FGF13: variants seen among roughly 807,000 people sequenced by gnomAD.
The protein encoded by FGF13 is fibroblast growth factor 13, also known as fibroblast growth factor homologous factor 2.
In FGF13, 2 loss-of-function variants were observed where a neutral mutation model predicts 19.5. That is an observed-to-expected ratio of 0.10 (90% CI 0.04 to 0.32). The LOEUF is 0.32. FGF13 is among the 10% of genes least tolerant of loss of function. FGF13 has a pLI of 1.00. For synonymous variants in FGF13, 72 were observed against 76.9 expected, an observed-to-expected ratio of 0.94 and a Z score of 0.33; for missense variants, 113 against 192.7, an observed-to-expected ratio of 0.59 and a Z score of 2.45.
chrX:139,150,421 A>C (rs1455942126), intron 1 of FGF13, among the ~76,000 whole-genome samples: 1 of 112,537 alleles, frequency 8.9e-6, no homozygotes, highest in Non-Finnish European at 1.9e-5. Flanking sequence ...TTTGCTATCT[A>C]AATGGCAAAT....
rs2089067026 is a variant in FGF13, at chrX:138,626,747, C to G, written c.*6103G>C. The G allele has an allele frequency of 9.0e-6, 1 of 111,705 alleles. No homozygotes were observed. The highest frequency in any genetic ancestry group is 2.8e-4 in the East Asian group (1 of 3,550). The allele number at this position is 111,705 out of a possible 1,213,427, so 9.2% of individuals were successfully genotyped here. On this transcript the variant is annotated 3_prime_UTR_variant, in exon 5 of 5. Transcript: ENST00000315930. ...AGACACAGACACACACACACGCACA[C>G]AGAAACAATAGGGTAGTGTTTGTTC... is the stretch of plus-strand genomic sequence containing the variant.
At chrX:138,731,670 A>C (rs1424627022) in intron 1 of FGF13, among the ~76,000 whole-genome samples, 1 of 110,848 alleles carries the variant, frequency 9.0e-6, no homozygotes, top group Non-Finnish European at 1.9e-5. Flanking sequence ...AGGAAGAAAG[A>C]AGTAATAAAA....
intron 1 of FGF13, among the ~76,000 whole-genome samples, chrX:139,047,516 T>C (rs1353673868): frequency 8.9e-6 from 1 of 111,864 alleles, no homozygotes; most frequent in East Asian, 2.8e-4. Flanking sequence ...GTATACTCTC[T>C]TAGCACATTA....
intron 3 of FGF13, among the ~76,000 whole-genome samples, chrX:138,788,060 C>A (rs1389801852): frequency 8.9e-6 from 1 of 111,826 alleles, no homozygotes; most frequent in Non-Finnish European, 1.9e-5. Flanking sequence ...AAAGTCTCAT[C>A]TAAATGTCAT....
At chrX:139,105,012 GTTT>G (rs199795206) in intron 1 of FGF13, among the ~76,000 whole-genome samples, 1 of 106,745 alleles carries the variant, frequency 9.4e-6, no homozygotes, top group Non-Finnish European at 1.9e-5. Flanking sequence ...TTTCTTTCAA[GTTT>G]TTTTTTTCAT....
At chrX:138,727,751 T>C (rs774250413) in intron 1 of FGF13, among the ~76,000 whole-genome samples, 2 of 111,615 alleles carry the variant, frequency 1.8e-5, no homozygotes, top group South Asian at 7.5e-4. Context: ...TGTTTGAATA[T>C]ATAGCCCATA....
upstream of FGF13, among the ~76,000 whole-genome samples, chrX:138,715,564 T>C (rs1486680993): frequency 8.9e-6 from 1 of 112,419 alleles, no homozygotes; most frequent in African/African-American, 3.2e-5. Flanking sequence ...AAGATTCTGG[T>C]ACTAAAAACA....
intron 1 of FGF13, among the ~76,000 whole-genome samples, chrX:138,934,521 T>C (rs1388945730): frequency 1.8e-5 from 2 of 112,760 alleles, no homozygotes; most frequent in African/African-American, 6.4e-5. Flanking sequence ...TTGTCTAACA[T>C]GTCAGAATAT....
intron 1 of FGF13, among the ~76,000 whole-genome samples, chrX:139,071,786 G>A (rs996533111): frequency 9.1e-6 from 1 of 109,702 alleles, no homozygotes; most frequent in African/African-American, 3.3e-5. Context: ...GGGAGGCCGA[G>A]GCTGGCAGAT....
intron 1 of FGF13, among the ~76,000 whole-genome samples, chrX:138,896,955 G>A (rs992190647): frequency 8.9e-6 from 1 of 111,752 alleles, no homozygotes; most frequent in Admixed American, 9.5e-5. Flanking sequence ...CTAAAGTTCC[G>A]GGGGTGGGAA....
rs141476543 is a variant in FGF13 at position 139,177,196 on chromosome X, G to A, written c.-113+26220C>T. 2.7e-3 allele frequency among the ~76,000 whole-genome samples: 244 copies of A among 89,853 alleles called. 1 individual carries two copies. Among genetic ancestry groups the A allele is most frequent in the African/African-American group, 0.01 (234 of 22,940 alleles). The allele number at this position is 89,853 out of a possible 115,157, so 78.0% of individuals were successfully genotyped here. A position where few individuals can be genotyped will look rare whatever the true frequency, so the allele number is the denominator to read the frequency against. ...TCTTTGTCTTTTTTGATCTTTGTTCGTTTAAACTCTGATTTATCAGAGACT... is the reference window on the plus strand; with the variant it reads ...TCTTTGTCTTTTTTGATCTTTGTTCATTTAAACTCTGATTTATCAGAGACT... On this transcript the variant is annotated intron_variant, in intron 1 of 2. Transcript: ENST00000421460.
chrX:139,160,038 T>G (rs987381134), intron 1 of FGF13, among the ~76,000 whole-genome samples: 2 of 111,937 alleles, frequency 1.8e-5, no homozygotes, highest in Middle Eastern at 4.6e-3. Context: ...AGAAGATACA[T>G]TCTTCTTAGC....
intron 1 of FGF13, among the ~76,000 whole-genome samples, chrX:139,006,075 CA>C (rs924169121): frequency 1.8e-5 from 2 of 110,893 alleles, no homozygotes; most frequent in African/African-American, 6.5e-5. Flanking sequence ...TATCCAACTA[CA>C]AAAAAGTTAT....
At chrX:139,180,202 C>T (rs1254422768) in intron 1 of FGF13, among the ~76,000 whole-genome samples, 1 of 112,019 alleles carries the variant, frequency 8.9e-6, no homozygotes, top group African/African-American at 3.2e-5. Context: ...CCCACACGCA[C>T]AAAATAGACA....
chrX:138,649,690 C>T (rs1265128205), intron 3 of FGF13, among the ~76,000 whole-genome samples: 1 of 112,178 alleles, frequency 8.9e-6, no homozygotes, highest in African/African-American at 3.2e-5. Context: ...ATTATGTGTG[C>T]TGGTTTATAT....
intron 1 of FGF13, among the ~76,000 whole-genome samples, chrX:138,882,366 A>G (rs1179462304): frequency 5.4e-5 from 6 of 111,620 alleles, no homozygotes; most frequent in African/African-American, 2.0e-4. Flanking sequence ...TGTTGGATGG[A>G]GTGTTCTATA....
chrX:138,801,128 G>A (rs760162969), intron 3 of FGF13, among the ~76,000 whole-genome samples: 4 of 112,101 alleles, frequency 3.6e-5, no homozygotes, highest in African/African-American at 6.5e-5. Context: ...CCTTGCTGAA[G>A]AGGAGTTACA....
At chrX:138,692,422 CATT>C (rs2089848073) in intron 3 of FGF13, among the ~76,000 whole-genome samples, 2 of 97,208 alleles carry the variant, frequency 2.1e-5, no homozygotes, top group African/African-American at 7.6e-5. Flanking sequence ...TGTGGATTAA[CATT>C]ATACAAACGA....
intron 1 of FGF13, among the ~76,000 whole-genome samples, chrX:139,139,831 C>T (rs1193027029): frequency 1.8e-5 from 2 of 111,530 alleles, no homozygotes; most frequent in Non-Finnish European, 3.8e-5. Flanking sequence ...GAGAAAAATG[C>T]GTACAAAGGC....
Sources: gnomAD v4.1 joint callset for allele counts (sites outside exome capture counted in the v4.1 genomes callset) on GRCh38, gnomAD v4.1.1 for gene constraint, MANE v1.5 for transcripts, NCBI Gene and HGNC (gene_info 2026-07-23, HGNC 2026-07-21) for gene names.